LRRC4C: variants seen among roughly 807,000 people sequenced by gnomAD.
LRRC4C encodes the protein leucine-rich repeat-containing protein 4C.
A neutral mutation model predicts 33.6 loss-of-function variants in LRRC4C; 5 were observed. That is an observed-to-expected ratio of 0.15 (90% confidence interval 0.08 to 0.31). The LOEUF (loss-of-function observed/expected upper bound fraction) is 0.31, where lower values mean the gene tolerates loss of function less well. Ranked by LOEUF, LRRC4C falls within the 10% of genes least tolerant of loss-of-function variation. The probability of loss-of-function intolerance (pLI) is 1.00; values close to 1 mark genes in which losing one functional copy is unlikely to be tolerated. For synonymous variants in LRRC4C, 329 were observed against 302.0 expected (o/e 1.09, Z -0.93); for missense variants, 560 against 796.7 (o/e 0.70, Z 3.58).
At chr11:41,015,405 T>C (rs1237026825) in intron 1 of LRRC4C, among the ~76,000 whole-genome samples, 2 of 152,154 alleles carry the variant, frequency 1.3e-5, no homozygotes, top group African/African-American at 4.8e-5. Context: ...CTTAGCTCAC[T>C]GCAACTTCTA....
intron 3 of LRRC4C, among the ~76,000 whole-genome samples, chr11:40,486,154 T>TAAA (rs11415781): frequency 1.5e-5 from 2 of 133,462 alleles, no homozygotes; most frequent in African/African-American, 5.4e-5. Flanking sequence ...GACAAAAGTT[T>TAAA]AAAAAAAAAA....
At chr11:40,953,506 C>T (rs1234301624) in intron 1 of LRRC4C, among the ~76,000 whole-genome samples, 1 of 151,818 alleles carries the variant, frequency 6.6e-6, no homozygotes, top group Non-Finnish European at 1.5e-5. Context: ...TAAGAATGCA[C>T]AGCTGTATGT....
chr11:40,784,563 A>G (rs900345023), intron 2 of LRRC4C, among the ~76,000 whole-genome samples: 1 of 152,218 alleles, frequency 6.6e-6, no homozygotes, highest in Non-Finnish European at 1.5e-5. Context: ...TTATGTAATA[A>G]GTCATTGATG....
chr11:41,087,249 G>A (rs186250211), intron 1 of LRRC4C, among the ~76,000 whole-genome samples: 69 of 151,922 alleles, frequency 4.5e-4, no homozygotes, highest in African/African-American at 1.5e-3. Context: ...CTGAATCCAC[G>A]CCCATTTCAG....
chr11:40,138,199 G>A (rs1179690360), intron 6 of LRRC4C, among the ~76,000 whole-genome samples: 2 of 149,238 alleles, frequency 1.3e-5, no homozygotes, highest in African/African-American at 5.0e-5. Context: ...ATGGAGTCTT[G>A]CTCTGCCACT....
chr11:41,250,155 C>A (rs1565517882), intron 1 of LRRC4C, among the ~76,000 whole-genome samples: 1 of 152,038 alleles, frequency 6.6e-6, no homozygotes, highest in Non-Finnish European at 1.5e-5. Context: ...GGCAACAGAG[C>A]AAGACTTCAT....
At chr11:40,138,744 TC>T (rs1857158922) in intron 6 of LRRC4C, among the ~76,000 whole-genome samples, 1 of 152,346 alleles carries the variant, frequency 6.6e-6, no homozygotes, top group East Asian at 1.9e-4. Context: ...ATTTTATCTT[TC>T]CTAAGGAAAT....
chr11:41,107,160 T>A (rs539537741), intron 1 of LRRC4C, among the ~76,000 whole-genome samples: 7 of 151,954 alleles, frequency 4.6e-5, no homozygotes, highest in Non-Finnish European at 8.8e-5. Context: ...CAATGAGCAT[T>A]TCCTTTGAGT....
rs118003968 is a variant in LRRC4C at position 40,285,770 on chromosome 11, T to C, written c.-176+33858A>G. On this transcript the variant is annotated intron_variant, in intron 4 of 6. Transcript: ENST00000528697. Reference sequence around the variant, plus strand: ...CTCAAGCCCAGTGAAAACATTCAGATTGAGTACCTGGTTACATAATAGTGA... The same window carrying C: ...CTCAAGCCCAGTGAAAACATTCAGACTGAGTACCTGGTTACATAATAGTGA... 1.5e-3 allele frequency among the ~76,000 whole-genome samples: 221 copies of C among 152,264 alleles called. 1 individual carries two copies. The South Asian group carries it at 0.015, about 10-fold the overall frequency.
At chr11:40,683,136 T>C (rs1944783216) in intron 2 of LRRC4C, among the ~76,000 whole-genome samples, 1 of 152,204 alleles carries the variant, frequency 6.6e-6, no homozygotes, top group Admixed American at 6.5e-5. Context: ...TGTCTCATGC[T>C]AGTTCTATGC....
chr11:40,739,549 A>T (rs1948059124), intron 2 of LRRC4C, among the ~76,000 whole-genome samples: 1 of 152,094 alleles, frequency 6.6e-6, no homozygotes, highest in Non-Finnish European at 1.5e-5. Flanking sequence ...TAATATGGTT[A>T]GACTTTGTGT....
At chr11:40,946,794 T>A (rs1331715091) in intron 1 of LRRC4C, among the ~76,000 whole-genome samples, 1 of 152,140 alleles carries the variant, frequency 6.6e-6, no homozygotes, top group African/African-American at 2.4e-5. Context: ...GAGCACTGCA[T>A]CCATCAACCA....
intron 3 of LRRC4C, among the ~76,000 whole-genome samples, chr11:40,562,983 G>A (rs913847393): frequency 6.7e-6 from 1 of 149,316 alleles, no homozygotes; most frequent in African/African-American, 2.5e-5. Flanking sequence ...CTAGTGATCA[G>A]AAGGCTCTCT....
chr11:40,665,308 TAAAAAAA>T lies in LRRC4C; in HGVS notation c.-406-17037_-406-17031del, dbSNP rs55827045. Among the ~76,000 whole-genome samples, 123 of 43,370 alleles carry T rather than the reference TAAAAAAA, an allele frequency of 2.8e-3. 4 individuals are homozygous for T. The highest frequency in any genetic ancestry group is 7.5e-3 in the African/African-American group (95 of 12,648). 28.5% of individuals were successfully genotyped at this position (43,370 alleles called of 152,430 possible). A position where few individuals can be genotyped will look rare whatever the true frequency, so the allele number is the denominator to read the frequency against. On this transcript the variant is annotated intron_variant, in intron 2 of 6. Coordinates refer to ENST00000528697, the MANE Select transcript of LRRC4C (RefSeq NM_001258419.2). ...CAAAGCCCTGGGGTCATTGCTTTCT[TAAAAAAA>T]AAAAAAAAAAATATATATATATATA...
At chr11:40,258,225 G>A (rs961219944) in intron 4 of LRRC4C, among the ~76,000 whole-genome samples, 3 of 152,050 alleles carry the variant, frequency 2.0e-5, no homozygotes, top group Admixed American at 2.0e-4. Flanking sequence ...TTTGGATTTG[G>A]ATCCAATCTA....
At chr11:40,974,829 G>T (rs1187338238) in intron 1 of LRRC4C, among the ~76,000 whole-genome samples, 2 of 152,178 alleles carry the variant, frequency 1.3e-5, no homozygotes, top group African/African-American at 2.4e-5. Context: ...TGCACTTGGA[G>T]CTAGGACACT....
chr11:40,159,178 G>T (rs1387381147), intron 5 of LRRC4C, among the ~76,000 whole-genome samples: 1 of 152,078 alleles, frequency 6.6e-6, no homozygotes, highest in East Asian at 1.9e-4. Flanking sequence ...ATTGTTAACT[G>T]CTTGGAGAAT....
intron 3 of LRRC4C, among the ~76,000 whole-genome samples, chr11:40,536,949 G>A (rs1956499768): frequency 6.6e-6 from 1 of 152,106 alleles, no homozygotes; most frequent in Non-Finnish European, 1.5e-5. Flanking sequence ...CTTCATGGGA[G>A]CAGGAATTTT....
intron 1 of LRRC4C, among the ~76,000 whole-genome samples, chr11:41,150,796 TAAAA>T (rs1362575831): frequency 3.1e-3 from 6 of 1,952 alleles, no homozygotes; most frequent in Non-Finnish European, 0.026. Context: ...ATAAATAAAA[TAAAA>T]TAAAATAAAA....
Sources: allele counts gnomAD v4.1 joint callset (sites outside exome capture counted in the v4.1 genomes callset), GRCh38; gene constraint gnomAD v4.1.1; transcripts MANE v1.5; gene names NCBI Gene and HGNC (gene_info 2026-07-23, HGNC 2026-07-21).